Variants in GRM7 observed in about 807,000 individuals in gnomAD.
The protein encoded by GRM7 is metabotropic glutamate receptor 7.
Under a neutral mutation model 84.5 loss-of-function variants are expected in GRM7, and 35 were observed. The observed-to-expected ratio is 0.41, with a 90% confidence interval of 0.32 to 0.55. GRM7 has a LOEUF of 0.55. Among genes scored for constraint, GRM7 ranks in the 20% least tolerant of loss-of-function variants. The probability of loss-of-function intolerance (pLI) is 0.19; values close to 1 mark genes in which losing one functional copy is unlikely to be tolerated. For synonymous variants in GRM7, 487 were observed against 455.1 expected (o/e 1.07, Z -0.89); for missense variants, 1,003 against 1,194.6 (o/e 0.84, Z 2.36).
chr3:7,617,524 A>C (rs781049257), intron 8 of GRM7, among the ~76,000 whole-genome samples: 1 of 152,176 alleles, frequency 6.6e-6, no homozygotes, highest in Admixed American at 6.6e-5. Context: ...TCTAAGTAAA[A>C]CAATAACCCA....
intron 1 of GRM7, among the ~76,000 whole-genome samples, chr3:6,908,069 G>A (rs552154588): frequency 3.3e-5 from 5 of 152,160 alleles, no homozygotes; most frequent in African/African-American, 1.2e-4. Context: ...AGCTAATATC[G>A]TTTTGTTAAA....
intron 8 of GRM7, among the ~76,000 whole-genome samples, chr3:7,646,405 G>A (rs1187158676): frequency 1.3e-5 from 2 of 151,984 alleles, no homozygotes; most frequent in Non-Finnish European, 2.9e-5. Flanking sequence ...TGTTGGTCAG[G>A]CTGGTCTCGA....
intron 9 of GRM7, among the ~76,000 whole-genome samples, chr3:7,705,421 G>C (rs975604769): frequency 6.6e-6 from 1 of 152,118 alleles, no homozygotes; most frequent in South Asian, 2.1e-4. Flanking sequence ...GAAAAGTGCA[G>C]GACTATGGAT....
intron 3 of GRM7, among the ~76,000 whole-genome samples, chr3:7,305,158 A>G (rs755420511): frequency 3.3e-5 from 5 of 152,150 alleles, no homozygotes; most frequent in Non-Finnish European, 7.4e-5. Context: ...AGAGTGTCTT[A>G]ACATTTCAAT....
At chr3:7,557,252 T>C (rs1693810575) in intron 7 of GRM7, among the ~76,000 whole-genome samples, 1 of 152,012 alleles carries the variant, frequency 6.6e-6, no homozygotes, top group Non-Finnish European at 1.5e-5. Context: ...GCTAGGTGCT[T>C]AGAGGATAAA....
chr3:7,733,921 G>A (rs952858096), intron 9 of GRM7, among the ~76,000 whole-genome samples: 6 of 152,152 alleles, frequency 3.9e-5, no homozygotes, highest in South Asian at 2.1e-4. Context: ...AGCCTTCCCA[G>A]GCTTAGCACA....
intron 4 of GRM7, among the ~76,000 whole-genome samples, chr3:7,379,103 C>T (rs553591127): frequency 2.4e-4 from 36 of 152,216 alleles, no homozygotes; most frequent in Non-Finnish European, 4.6e-4. Flanking sequence ...GATGGAGTCT[C>T]GCTCTGTTGC....
Position 7,034,198 on chromosome 3 carries a change from T to C in GRM7, c.520-112254T>C, listed in dbSNP as rs145007607. ...CCATCATTGATCTTTTGTTCCTAAA[T>C]TGCTGTCATTGCCTGAGTCACTTTA... On this transcript the variant is annotated intron_variant, in intron 1 of 9. Coordinates refer to ENST00000357716, the MANE Select transcript of GRM7 (RefSeq NM_000844.4). Among the ~76,000 whole-genome samples, 541 of 152,300 alleles carry C rather than the reference T, an allele frequency of 3.6e-3. 3 individuals carry two copies. The highest frequency in any genetic ancestry group is 0.012 in the African/African-American group (504 of 41,584).
intron 7 of GRM7, among the ~76,000 whole-genome samples, chr3:7,537,454 C>T (rs540905376): frequency 7.2e-5 from 11 of 152,242 alleles, no homozygotes; most frequent in African/African-American, 2.4e-4. Context: ...GGGGTGTCTA[C>T]CATAGCAGAT....
chr3:7,415,926 A>G (rs1168514105), intron 5 of GRM7, among the ~76,000 whole-genome samples: 1 of 152,178 alleles, frequency 6.6e-6, no homozygotes, highest in African/African-American at 2.4e-5. Context: ...CATATAACTA[A>G]GGAAGTTTAC....
At chr3:7,056,633 A>G (rs540884426) in intron 1 of GRM7, among the ~76,000 whole-genome samples, 1 of 152,036 alleles carries the variant, frequency 6.6e-6, no homozygotes, top group Non-Finnish European at 1.5e-5. Flanking sequence ...ACTACGGAAG[A>G]TAACTACTCA....
intron 4 of GRM7, among the ~76,000 whole-genome samples, chr3:7,381,487 A>G (rs1464494671): frequency 6.6e-6 from 1 of 152,166 alleles, no homozygotes; most frequent in East Asian, 1.9e-4. Context: ...GGCAAGCATT[A>G]AACATTTATA....
At chr3:7,541,355 G>A (rs1020042707) in intron 7 of GRM7, among the ~76,000 whole-genome samples, 4 of 151,906 alleles carry the variant, frequency 2.6e-5, no homozygotes, top group Non-Finnish European at 5.9e-5. Context: ...ATGATTTTGG[G>A]GCCGTATTTT....
In GRM7 at chr3:7,611,575, G is replaced by A. The variant is rs1475448781; in HGVS notation, c.2451+32218G>A. On this transcript the variant is annotated intron_variant, in intron 8 of 9. Coordinates refer to ENST00000357716, the MANE Select transcript of GRM7 (RefSeq NM_000844.4). Reference sequence around the variant, plus strand: ...TCATAGACCTACTGGAGCTGAAATGGACCTTTGTGATGTTGAGGTCAAGCT... The same window carrying A: ...TCATAGACCTACTGGAGCTGAAATGAACCTTTGTGATGTTGAGGTCAAGCT... Among the ~76,000 whole-genome samples, 3 of 152,294 alleles carry A rather than the reference G, an allele frequency of 2.0e-5. No individual in the cohort carries two copies. The East Asian group carries it at 5.8e-4, about 29-fold the overall frequency.
chr3:6,862,741 C>A lies in GRM7; in HGVS notation c.519+834C>A, dbSNP rs548134313. 6 of 286,514 alleles carry A rather than the reference C, an allele frequency of 2.1e-5. No homozygotes were observed. Among genetic ancestry groups the A allele is most frequent in the East Asian group, 2.5e-4 (2 of 7,896 alleles). 17.7% of individuals were successfully genotyped at this position (286,514 alleles called of 1,614,324 possible). On this transcript the variant is annotated intron_variant, in intron 1 of 9. Transcript: ENST00000357716. This position sits in a 1 kb window ranked among gnomAD's most constrained non-coding sequence, Gnocchi z 5.2. ...CCCTCCTCCCCCCCGCCCCCCTCAC[C>A]CACTATCTCCCTGACGCAGACCCCA...
intron 1 of GRM7, among the ~76,000 whole-genome samples, chr3:7,031,156 T>C (rs2124927332): frequency 2.0e-5 from 3 of 152,252 alleles, no homozygotes; most frequent in East Asian, 3.9e-4. Context: ...CAATTATAAC[T>C]CAGGATAAAA....
At chr3:6,891,196 T>A (rs1355876279) in intron 1 of GRM7, among the ~76,000 whole-genome samples, 1 of 152,156 alleles carries the variant, frequency 6.6e-6, no homozygotes, top group African/African-American at 2.4e-5. Flanking sequence ...AATTTGCCAG[T>A]CTGTGTCTTT....
intron 1 of GRM7, among the ~76,000 whole-genome samples, chr3:6,968,178 T>C (rs1047733071): frequency 5.9e-5 from 9 of 152,198 alleles, no homozygotes; most frequent in African/African-American, 1.9e-4. Flanking sequence ...ATCTGTTTCA[T>C]GCATATCTCT....
At chr3:6,870,090 G>C (rs905689337) in intron 1 of GRM7, among the ~76,000 whole-genome samples, 1 of 149,696 alleles carries the variant, frequency 6.7e-6, no homozygotes, top group Admixed American at 6.7e-5. Context: ...CTCTCTCTCA[G>C]CTTACATTCT....
Sources: gnomAD v4.1 joint callset for allele counts (sites outside exome capture counted in the v4.1 genomes callset) on GRCh38, gnomAD v4.1.1 for gene constraint, Gnocchi (gnomAD v3.1) non-coding constraint, MANE v1.5 for transcripts, NCBI Gene and HGNC (gene_info 2026-07-23, HGNC 2026-07-21) for gene names.